Variants in WFIKKN2 observed in about 807,000 individuals in gnomAD.
WFIKKN2 encodes the protein WAP, follistatin/kazal, immunoglobulin, kunitz and netrin domain containing 2.
In WFIKKN2, 25 loss-of-function variants were observed where a neutral mutation model predicts 39.2. That is an observed-to-expected ratio of 0.64 (90% CI 0.47 to 0.89). WFIKKN2 has a LOEUF of 0.89. Among genes scored for constraint, WFIKKN2 ranks in the 40% least tolerant of loss-of-function variants. The pLI, the probability that WFIKKN2 is intolerant of heterozygous loss-of-function variation, is 0.00. For missense variants in WFIKKN2, 770 were observed against 811.7 expected (o/e 0.95, Z 0.62); for synonymous variants, 345 against 329.7 (o/e 1.05, Z -0.50).
At chr17:50,835,446 G>A (rs1036652649), upstream of WFIKKN2, 3 of 154,998 alleles carry the variant, frequency 1.9e-5, no homozygotes, top group African/African-American at 7.2e-5. Context: ...GCCATTTCTG[G>A]CCCTTGAAGG....
Position 50,840,509 on chromosome 17 carries a change from G to C in WFIKKN2, c.1221G>C (p.Gln407His). The change falls in exon 2 of 2, where the codon CAG becomes CAC. Residue 407 changes from glutamine to histidine, a missense_variant. Transcript: ENST00000311378. ...AYAPRWAYNS[Q>H]TGQCQSFVYG... Reference sequence around the variant, plus strand: ...CGCCTCGCTGGGCTTACAACAGCCAGACGGGCCAGTGCCAGTCCTTTGTCT... The same window carrying C: ...CGCCTCGCTGGGCTTACAACAGCCACACGGGCCAGTGCCAGTCCTTTGTCT... 2 of 1,613,986 alleles carry C rather than the reference G, an allele frequency of 1.2e-6. No homozygotes were observed. The highest frequency in any genetic ancestry group is 1.7e-6 in the Non-Finnish European group (2 of 1,179,954).
At chr17:50,837,361 G>A (rs985194671) in intron 1 of WFIKKN2, among the ~76,000 whole-genome samples, 1 of 152,220 alleles carries the variant, frequency 6.6e-6, no homozygotes, top group Non-Finnish European at 1.5e-5. Flanking sequence ...AGGAGACCAC[G>A]TTTCAGCCTC....
chr17:50,841,021 G>GCC lies in WFIKKN2; in HGVS notation c.*7_*8dup. 8.5e-6 allele frequency: 13 copies of GCC among 1,525,194 alleles called. No individual in the cohort carries two copies. The highest frequency in any genetic ancestry group is 1.1e-5 in the Non-Finnish European group (13 of 1,136,184). 94.5% of individuals were successfully genotyped at this position (1,525,194 alleles called of 1,614,324 possible). ...AAGGAGTTTCTTGGCTTGCACTGAAGCCCCCCACCCCTCCCTGCCCCCTCC... is the reference window on the plus strand; with the variant it reads ...AAGGAGTTTCTTGGCTTGCACTGAAGCCCCCCCCACCCCTCCCTGCCCCCTCC... On this transcript the variant is annotated 3_prime_UTR_variant, in exon 2 of 2. Coordinates refer to ENST00000311378, the MANE Select transcript of WFIKKN2 (RefSeq NM_175575.6).
Position 50,840,556 on chromosome 17 carries a change from G to A in WFIKKN2, c.1268G>A (p.Gly423Asp). The A allele has an allele frequency of 6.2e-7, 1 of 1,614,022 alleles. No individual in the cohort carries two copies. The highest frequency in any genetic ancestry group is 8.5e-7 in the Non-Finnish European group (1 of 1,180,018). ...SFVYGGCEGN[G>D]NNFESREACE... ...GTCTATGGTGGCTGCGAGGGCAATGGCAACAACTTTGAGAGCCGTGAGGCC... is the reference window on the plus strand; with the variant it reads ...GTCTATGGTGGCTGCGAGGGCAATGACAACAACTTTGAGAGCCGTGAGGCC... The change falls in exon 2 of 2, where the codon GGC (glycine) becomes GAC (aspartate). Residue 423 changes from glycine to aspartate, a missense_variant. Physicochemically the swap from Gly to Asp is moderately conservative, Grantham distance 94 (BLOSUM62 -1). Transcript: ENST00000311378.
At chr17:50,838,928 C>T (rs369800977) in intron 1 of WFIKKN2, among the ~76,000 whole-genome samples, 2 of 152,228 alleles carry the variant, frequency 1.3e-5, no homozygotes, top group East Asian at 1.9e-4. Flanking sequence ...CTCTTCCAGT[C>T]AGCAAGGCAT....
Position 50,840,693 on chromosome 17 carries a change from G to A in WFIKKN2, c.1405G>A (p.Val469Ile). The A allele has an allele frequency of 1.2e-6, 2 of 1,613,996 alleles. No homozygotes were observed. The highest frequency in any genetic ancestry group is 1.7e-6 in the Non-Finnish European group (2 of 1,180,014). ...CAGCGACTTTGTCATCCTGGGCCGA[G>A]TCTCTGAGCTGACCGAGGAGCCTGA... ...CRSDFVILGR[V>I]SELTEEPDSG... The change falls in exon 2 of 2, where the codon GTC (valine) becomes ATC (isoleucine). Residue 469 changes from valine (V) to isoleucine (I), a missense_variant. Coordinates refer to ENST00000311378, the MANE Select transcript of WFIKKN2 (RefSeq NM_175575.6).
At chr17:50,836,349 A>T (rs1971957987) in intron 1 of WFIKKN2, among the ~76,000 whole-genome samples, 1 of 151,574 alleles carries the variant, frequency 6.6e-6, no homozygotes, top group African/African-American at 2.4e-5. Flanking sequence ...CAGAAGCCAC[A>T]GTGTGAGGCA....
Position 50,840,910 on chromosome 17 carries a change from G to C in WFIKKN2, c.1622G>C (p.Arg541Pro). The part of the protein sequence containing the change: ...GEVDGGMAML[R>P]PDSFVGASSA... The stretch of plus-strand genomic sequence containing the variant: ...GTGGACGGCGGCATGGCCATGCTGC[G>C]CCCCGATAGCTTTGTGGGCGCATCG... The change falls in exon 2 of 2, where the codon CGC (arginine) becomes CCC (proline). Residue 541 changes from arginine (R) to proline (P), a missense_variant. Coordinates refer to ENST00000311378, the MANE Select transcript of WFIKKN2 (RefSeq NM_175575.6). 1 of 1,606,406 alleles carries C rather than the reference G, an allele frequency of 6.2e-7. No individual in the cohort carries two copies. Among genetic ancestry groups the C allele is most frequent in the Non-Finnish European group, 8.5e-7 (1 of 1,174,408 alleles).
At position 50,839,986 on chromosome 17, in the gene WFIKKN2, T is replaced by C; in HGVS notation, c.698T>C (p.Val233Ala). The C allele has an allele frequency of 6.2e-7, 1 of 1,614,144 alleles. No homozygotes were observed. The highest frequency in any genetic ancestry group is 8.5e-7 in the Non-Finnish European group (1 of 1,179,974). The change falls in exon 2 of 2, where the codon GTG becomes GCG. Residue 233 changes from valine (V) to alanine (A), a missense_variant. Val to Ala is a moderately conservative substitution (Grantham distance 64, BLOSUM62 0). Coordinates refer to ENST00000311378, the MANE Select transcript of WFIKKN2 (RefSeq NM_175575.6). Reference sequence around the variant, plus strand: ...GAGACAGTGAGCTTCCTCTGTGATGTGGTGGGCCGGCCCCGGCCTGAGATC... The same window carrying C: ...GAGACAGTGAGCTTCCTCTGTGATGCGGTGGGCCGGCCCCGGCCTGAGATC... ...MGETVSFLCD[V>A]VGRPRPEITW...
chr17:50,835,049 T>A (rs1011743322), upstream of WFIKKN2: 2 of 152,148 alleles, frequency 1.3e-5, no homozygotes, highest in Non-Finnish European at 2.9e-5. Context: ...GTCTCTGGAA[T>A]GATTTGGGGA....
chr17:50,839,673 C>G lies in WFIKKN2; in HGVS notation c.385C>G (p.Gln129Glu). ...CTCTGAGTGTGACATCTGGGATGGC[C>G]AGCCCGTGTGTAAGTGCAAAGACCG... ...QGSECDIWDG[Q>E]PVCKCKDRCE... Residue 129 changes from glutamine to glutamate, a missense_variant, in exon 2 of 2, where the codon CAG becomes GAG. Physicochemically the swap from Gln to Glu is conservative, Grantham distance 29. Transcript: ENST00000311378. 6.2e-7 allele frequency: 1 copy of G among 1,614,244 alleles called. No homozygotes were observed. Among genetic ancestry groups the G allele is most frequent in the Non-Finnish European group, 8.5e-7 (1 of 1,180,036 alleles).
chr17:50,839,378 T>A, intron 1 of WFIKKN2, 121 bp from the exon 2 acceptor site: 1 of 915,246 alleles, frequency 1.1e-6, no homozygotes, highest in African/African-American at 1.7e-5. Flanking sequence ...TTTTCAAGTG[T>A]TTTGCTCCCA....
intron 1 of WFIKKN2, among the ~76,000 whole-genome samples, chr17:50,838,274 C>G (rs1009492915): frequency 1.3e-5 from 2 of 152,168 alleles, no homozygotes; most frequent in South Asian, 2.1e-4. Flanking sequence ...AACAAAGTCC[C>G]CATTCTGAGC....
In WFIKKN2 at chr17:50,840,001, G is replaced by T. The variant is rs370465261; in HGVS notation, c.713G>T (p.Arg238Leu). ...CTCTGTGATGTGGTGGGCCGGCCCC[G>T]GCCTGAGATCACCTGGGAGAAGCAG... ...SFLCDVVGRPRPEITWEKQLE... is the reference protein window; with the variant it reads ...SFLCDVVGRPLPEITWEKQLE... The change falls in exon 2 of 2, where the codon CGG (arginine) becomes CTG (leucine). Residue 238 changes from arginine to leucine, a missense_variant. By Grantham distance (102) the Arg-to-Leu change is moderately radical. Transcript: ENST00000311378. 8 of 1,614,110 alleles carry T rather than the reference G, an allele frequency of 5.0e-6. No homozygotes were observed. The African/African-American group carries it at 6.7e-5, about 13-fold the overall frequency.
chr17:50,840,690 C>A lies in WFIKKN2; in HGVS notation c.1402C>A (p.Arg468=), dbSNP rs761633207. 1.3e-5 allele frequency: 21 copies of A among 1,613,810 alleles called. No homozygotes were observed. Among genetic ancestry groups the A allele is most frequent in the Non-Finnish European group, 1.5e-5 (18 of 1,180,006 alleles). The change falls in exon 2 of 2, where the codon CGA becomes AGA. Residue 468 remains arginine, a synonymous_variant. Coordinates refer to ENST00000311378, the MANE Select transcript of WFIKKN2 (RefSeq NM_175575.6). ...FCRSDFVILG[R]VSELTEEPDS... Reference sequence around the variant, plus strand: ...TCGCAGCGACTTTGTCATCCTGGGCCGAGTCTCTGAGCTGACCGAGGAGCC... The same window carrying A: ...TCGCAGCGACTTTGTCATCCTGGGCAGAGTCTCTGAGCTGACCGAGGAGCC...
chr17:50,838,873 C>T (rs1034624203), intron 1 of WFIKKN2, among the ~76,000 whole-genome samples: 8 of 152,020 alleles, frequency 5.3e-5, no homozygotes, highest in Admixed American at 6.6e-5. Flanking sequence ...TGGATCATCT[C>T]GGATAAAGTC....
chr17:50,839,915 C>T lies in WFIKKN2; in HGVS notation c.627C>T (p.Ala209=). ...AGACCCCTGAGCTGGACATGGCGGC[C>T]CCTGCGCTGCTCAACAACCCTGTGC... is the stretch of plus-strand genomic sequence containing the variant. ...SPETPELDMA[A]PALLNNPVHQ... The change falls in exon 2 of 2, where the codon GCC becomes GCT. Residue 209 remains alanine, a synonymous_variant. Coordinates refer to ENST00000311378, the MANE Select transcript of WFIKKN2 (RefSeq NM_175575.6). The T allele has an allele frequency of 1.2e-6, 2 of 1,614,198 alleles. No homozygotes were observed. The highest frequency in any genetic ancestry group is 1.7e-6 in the Non-Finnish European group (2 of 1,180,040).
chr17:50,838,991 C>T (rs1478404299), intron 1 of WFIKKN2, among the ~76,000 whole-genome samples: 1 of 152,186 alleles, frequency 6.6e-6, no homozygotes, highest in African/African-American at 2.4e-5. Flanking sequence ...TCAAGCTAGA[C>T]CTCATTTGTG....
chr17:50,836,847 G>T (rs1025898093), intron 1 of WFIKKN2, among the ~76,000 whole-genome samples: 2 of 152,188 alleles, frequency 1.3e-5, no homozygotes, highest in Non-Finnish European at 2.9e-5. Context: ...TGAGTGATGG[G>T]GGTGGGAGCC....
Sources: allele counts gnomAD v4.1 joint callset (sites outside exome capture counted in the v4.1 genomes callset), GRCh38; gene constraint gnomAD v4.1.1; transcripts MANE v1.5; gene names NCBI Gene and HGNC (gene_info 2026-07-23, HGNC 2026-07-21).